PYHIN1: variants seen among roughly 807,000 people sequenced by gnomAD.
PYHIN1 encodes the protein pyrin and HIN domain family member 1, also known as pyrin and HIN domain-containing protein 1.
Under a neutral mutation model 43.7 loss-of-function variants are expected in PYHIN1, and 32 were observed. The ratio of observed to expected loss-of-function variants is 0.73; its 90% CI spans 0.55 to 0.98. PYHIN1 has a LOEUF of 0.98. PYHIN1 is among the 50% of genes least tolerant of loss of function. The probability of loss-of-function intolerance (pLI) is 0.00; values close to 1 mark genes in which losing one functional copy is unlikely to be tolerated. For synonymous variants in PYHIN1, 205 were observed against 203.1 expected, an observed-to-expected ratio of 1.01 and a Z score of -0.08; for missense variants, 588 against 589.5, an observed-to-expected ratio of 1.00 and a Z score of 0.03.
chr1:158,956,049 C>T (rs973529812), intron 7 of PYHIN1, among the ~76,000 whole-genome samples: 2 of 146,348 alleles, frequency 1.4e-5, no homozygotes, highest in African/African-American at 5.1e-5. Context: ...CAAGAGTAAA[C>T]CAGGAAGAAG....
At chr1:158,953,391 C>A (rs1285187831) in intron 7 of PYHIN1, among the ~76,000 whole-genome samples, 1 of 150,892 alleles carries the variant, frequency 6.6e-6, no homozygotes, top group African/African-American at 2.4e-5. Flanking sequence ...TCCCAGCACG[C>A]AGCTGGAGAT....
chr1:158,964,425 T>C (rs74552250), intron 7 of PYHIN1, among the ~76,000 whole-genome samples: 6,095 of 152,140 alleles, frequency 0.04, 401 homozygotes, highest in African/African-American at 0.14. Context: ...CACATAATCA[T>C]AAGCTTTTCC....
intron 7 of PYHIN1, among the ~76,000 whole-genome samples, chr1:158,961,902 G>C (rs1244429122): frequency 1.3e-5 from 2 of 152,220 alleles, no homozygotes; most frequent in East Asian, 3.9e-4. Flanking sequence ...TGAATCCAGG[G>C]GACTAAGCAG....
At chr1:158,981,861 C>T (rs1476803213), downstream of PYHIN1, among the ~76,000 whole-genome samples, 2 of 151,822 alleles carry the variant, frequency 1.3e-5, no homozygotes, top group African/African-American at 2.4e-5. Context: ...CTGGTATCTC[C>T]CTGTAGTTTT....
At chr1:158,961,944 C>T (rs927961450) in intron 7 of PYHIN1, among the ~76,000 whole-genome samples, 7 of 152,168 alleles carry the variant, frequency 4.6e-5, no homozygotes, top group Admixed American at 4.6e-4. Flanking sequence ...TCCACTGCAC[C>T]TCACAGGATA....
chr1:158,976,182 A>G (rs1438048299), intron 8 of PYHIN1, among the ~76,000 whole-genome samples: 1 of 152,088 alleles, frequency 6.6e-6, no homozygotes. Flanking sequence ...TTCATGTGGG[A>G]TTCTTGGAAC....
intron 7 of PYHIN1, among the ~76,000 whole-genome samples, chr1:158,960,533 C>T (rs749622892): frequency 8.1e-4 from 123 of 152,274 alleles, no homozygotes; most frequent in Middle Eastern, 6.8e-3. Flanking sequence ...TCTTGGGTGT[C>T]CAACTACCAC....
the PYHIN1 span, among the ~76,000 whole-genome samples, chr1:158,990,317 T>A: frequency 6.6e-6 from 1 of 152,180 alleles, no homozygotes; most frequent in Non-Finnish European, 1.5e-5. Flanking sequence ...TGTTATGAGA[T>A]GGTGAGTTCT....
the PYHIN1 span, among the ~76,000 whole-genome samples, chr1:158,984,737 T>C: frequency 6.6e-6 from 1 of 152,186 alleles, no homozygotes; most frequent in East Asian, 1.9e-4. Flanking sequence ...TATCTAACAA[T>C]GTTAGTAGGG....
At chr1:158,972,261 T>G (rs549204080) in intron 7 of PYHIN1, among the ~76,000 whole-genome samples, 2 of 152,212 alleles carry the variant, frequency 1.3e-5, no homozygotes, top group East Asian at 3.9e-4. Context: ...TGGTAGTTCT[T>G]TAACCAAAGT....
In PYHIN1 at chr1:158,933,820, C is replaced by G. The variant is rs1322352776; in HGVS notation, c.-21+2044C>G. Among the ~76,000 whole-genome samples the G allele has an allele frequency of 1.3e-5, 2 of 152,076 alleles. No homozygotes were observed. The highest frequency in any genetic ancestry group is 2.9e-5 in the Non-Finnish European group (2 of 67,924). ...CTGTTTCTCTTTTCTTTGATCAGGG[C>G]TTTCTTTTTAAGTCATAGGCACACA... On this transcript the variant is annotated intron_variant, in intron 1 of 8. Transcript: ENST00000368140. This position sits in a 1 kb window ranked among gnomAD's most constrained non-coding sequence, Gnocchi z 6.3.
At position 158,938,169 on chromosome 1, in the gene PYHIN1, C is replaced by T. The variant is rs12090737; in HGVS notation, c.266-228C>T. Among the ~76,000 whole-genome samples, 1,128 of 152,294 alleles carry T rather than the reference C, an allele frequency of 7.4e-3. 13 individuals carry two copies. Among genetic ancestry groups the T allele is most frequent in the African/African-American group, 0.026 (1,067 of 41,560 alleles). On this transcript the variant is annotated intron_variant, in intron 2 of 8. Transcript: ENST00000368140. ...GTTCAGAGGACAGGAAGGATGTTCTCACTGCACAGGGGAGGAGTGATGAAA... is the reference window on the plus strand; with the variant it reads ...GTTCAGAGGACAGGAAGGATGTTCTTACTGCACAGGGGAGGAGTGATGAAA...
At position 158,938,467 on chromosome 1, in the gene PYHIN1, G is replaced by A. The variant is rs1648699449; in HGVS notation, c.336G>A (p.Val112=). 6.2e-7 allele frequency: 1 copy of A among 1,614,054 alleles called. No individual in the cohort carries two copies. The highest frequency in any genetic ancestry group is 1.7e-5 in the Admixed American group (1 of 60,002). ...CTAAAAAGACGAAACAGAAAGAAGT[G>A]TATCCTGCTACACCTGCATGCACCC... ...IPSKKTKQKE[V]YPATPACTPS... Residue 112 remains valine (V), a synonymous_variant, in exon 3 of 9, where the codon GTG becomes GTA. Transcript: ENST00000368140.
At chr1:158,932,723 A>G (rs1318251963) in intron 1 of PYHIN1, among the ~76,000 whole-genome samples, 1 of 152,194 alleles carries the variant, frequency 6.6e-6, no homozygotes, top group African/African-American at 2.4e-5. Context: ...TTTCATAAGT[A>G]TGTTTAACTT....
chr1:158,959,622 A>G (rs555600173), intron 7 of PYHIN1, among the ~76,000 whole-genome samples: 46 of 152,222 alleles, frequency 3.0e-4, no homozygotes, highest in South Asian at 2.9e-3. Context: ...AATTTTTCCT[A>G]CCAGCCTGAC....
At chr1:158,954,660 A>G (rs1649804456) in intron 7 of PYHIN1, among the ~76,000 whole-genome samples, 1 of 148,682 alleles carries the variant, frequency 6.7e-6, no homozygotes, top group South Asian at 2.2e-4. Flanking sequence ...CCAAAATGTA[A>G]AGACCATCGA....
chr1:158,964,945 G>T (rs1571773174), intron 7 of PYHIN1, among the ~76,000 whole-genome samples: 1 of 152,028 alleles, frequency 6.6e-6, no homozygotes, highest in Non-Finnish European at 1.5e-5. Context: ...AGAGTGGCAG[G>T]CTGGATAAAG....
Position 158,952,657 on chromosome 1 carries a change from G to A in PYHIN1, c.1359+7615G>A, listed in dbSNP as rs117075509. ...GCTCTTCTGGTTGCAATGAACCAGA[G>A]CCGCTCTAACTAAAGCCCATAGCGT... On this transcript the variant is annotated intron_variant, in intron 7 of 8. Transcript: ENST00000368140. 6.2e-4 allele frequency among the ~76,000 whole-genome samples: 95 copies of A among 152,284 alleles called. 1 individual carries two copies. In the East Asian group the frequency reaches 0.017, roughly 27 times the overall value.
intron 7 of PYHIN1, among the ~76,000 whole-genome samples, chr1:158,956,553 AC>A (rs1296451736): frequency 1.3e-5 from 2 of 151,514 alleles, no homozygotes; most frequent in African/African-American, 2.4e-5. Flanking sequence ...AAATTCAACA[AC>A]CCTTCATGCT....
Sources: gnomAD v4.1 joint callset for allele counts (sites outside exome capture counted in the v4.1 genomes callset) on GRCh38, gnomAD v4.1.1 for gene constraint, Gnocchi (gnomAD v3.1) non-coding constraint, MANE v1.5 for transcripts, NCBI Gene and HGNC (gene_info 2026-07-23, HGNC 2026-07-21) for gene names.